The following LRRC2 variants were observed in gnomAD, a reference collection of about 807,000 sequenced individuals.
The protein encoded by LRRC2 is leucine rich repeat containing 2, also known as leucine-rich repeat-containing protein 2.
A neutral mutation model predicts 40.2 loss-of-function variants in LRRC2; 27 were observed. The ratio of observed to expected loss-of-function variants is 0.67; its 90% confidence interval spans 0.49 to 0.93. LRRC2 has a LOEUF of 0.93. LRRC2 is among the 40% of genes least tolerant of loss of function. LRRC2 has a pLI of 0.00. For missense variants in LRRC2, 402 were observed against 439.6 expected, an observed-to-expected ratio of 0.91 and a Z score of 0.76; for synonymous variants, 147 against 158.9, an observed-to-expected ratio of 0.92 and a Z score of 0.56.
chr3:46,539,782 G>A (rs1704346129), intron 3 of LRRC2, among the ~76,000 whole-genome samples: 1 of 152,228 alleles, frequency 6.6e-6, no homozygotes, highest in South Asian at 2.1e-4. Context: ...TGAACTCAGT[G>A]TCCAAGGCCT....
chr3:46,521,362 C>T (rs1245268936), intron 8 of LRRC2, among the ~76,000 whole-genome samples, 160 bp downstream of exon 8: 1 of 152,140 alleles, frequency 6.6e-6, no homozygotes, highest in Non-Finnish European at 1.5e-5. Flanking sequence ...GGAAATGTAT[C>T]ATTTGGAGTG....
In LRRC2 at chr3:46,518,712, C is replaced by G; in HGVS notation, c.*302G>C. ...AATGCACTTAACTTCAGTATTTGGT[C>G]TTTTAGTTATAATTCTTAAAAATAA... On this transcript the variant is annotated 3_prime_UTR_variant, in exon 9 of 9. Coordinates refer to ENST00000395905, the MANE Select transcript of LRRC2 (RefSeq NM_024512.5). 4.0e-6 allele frequency: 1 copy of G among 248,500 alleles called. No individual in the cohort carries two copies. The highest frequency in any genetic ancestry group is 7.6e-6 in the Non-Finnish European group (1 of 132,116). The allele number at this position is 248,500 out of a possible 1,614,324, so 15.4% of individuals were successfully genotyped here.
chr3:46,551,516 C>T lies in LRRC2; in HGVS notation c.76G>A (p.Ala26Thr). The change falls in exon 2 of 9, where the codon GCT (alanine) becomes ACT (threonine). Residue 26 changes from alanine (A) to threonine (T), a missense_variant. Coordinates refer to ENST00000395905, the MANE Select transcript of LRRC2 (RefSeq NM_024512.5). ...CTTTCCACCTCCTTCTTCTGCCAAGCTTTGTGCTTCTTGACACGAGTTTCC... is the reference window on the plus strand; with the variant it reads ...CTTTCCACCTCCTTCTTCTGCCAAGTTTTGTGCTTCTTGACACGAGTTTCC... The part of the protein sequence containing the change: ...LWETRVKKHK[A>T]WQKKEVERLE... 6.2e-7 allele frequency: 1 copy of T among 1,614,072 alleles called. No homozygotes were observed. The highest frequency in any genetic ancestry group is 8.5e-7 in the Non-Finnish European group (1 of 1,179,990).
Position 46,524,434 on chromosome 3 carries a change from C to T in LRRC2, c.930-2776G>A, listed in dbSNP as rs189389146. On this transcript the variant is annotated intron_variant, in intron 7 of 8. Coordinates refer to ENST00000395905, the MANE Select transcript of LRRC2 (RefSeq NM_024512.5). ...GTGCCTGTTGATATAAAAATTCTTC[C>T]GTTTTTCCTCTTGTTTTAAGCACCA... is the stretch of plus-strand genomic sequence containing the variant. Among the ~76,000 whole-genome samples, 586 of 152,250 alleles carry T rather than the reference C, an allele frequency of 3.8e-3. 5 individuals are homozygous for T. The highest frequency in any genetic ancestry group is 0.013 in the African/African-American group (528 of 41,554).
chr3:46,565,855 G>C (rs1395394543), intron 1 of LRRC2, among the ~76,000 whole-genome samples: 2 of 152,194 alleles, frequency 1.3e-5, no homozygotes, highest in Non-Finnish European at 2.9e-5. Context: ...CTCAGCCTTG[G>C]GCGCCGGAGC....
At chr3:46,552,703 G>A (rs985786860) in intron 1 of LRRC2, among the ~76,000 whole-genome samples, 1 of 151,968 alleles carries the variant, frequency 6.6e-6, no homozygotes, top group Non-Finnish European at 1.5e-5. Context: ...TGAGGCCACA[G>A]GCCAGCCACC....
intron 2 of LRRC2, among the ~76,000 whole-genome samples, chr3:46,549,168 A>C (rs933362625): frequency 2.0e-5 from 3 of 152,256 alleles, no homozygotes; most frequent in Non-Finnish European, 4.4e-5. Context: ...AAAGTGAGGT[A>C]ACAGAACAAG....
intron 2 of LRRC2, among the ~76,000 whole-genome samples, chr3:46,550,633 C>A (rs550081469): frequency 6.6e-6 from 1 of 152,124 alleles, no homozygotes; most frequent in Non-Finnish European, 1.5e-5. Flanking sequence ...CCTTGTGATC[C>A]GCCTGCCTCG....
chr3:46,519,352 T>C (rs1228166172), intron 8 of LRRC2, among the ~76,000 whole-genome samples: 1 of 152,228 alleles, frequency 6.6e-6, no homozygotes, highest in African/African-American at 2.4e-5. Flanking sequence ...TCTTGGAAGC[T>C]ATATGACCCT....
At chr3:46,536,214 C>T (rs1704267248) in intron 4 of LRRC2, among the ~76,000 whole-genome samples, 1 of 152,174 alleles carries the variant, frequency 6.6e-6, no homozygotes, top group African/African-American at 2.4e-5. Context: ...AAACTTAGCG[C>T]TTACTGAGAG....
At chr3:46,549,794 C>T (rs921901912) in intron 2 of LRRC2, among the ~76,000 whole-genome samples, 1 of 152,200 alleles carries the variant, frequency 6.6e-6, no homozygotes, top group African/African-American at 2.4e-5. Context: ...CCCTAACTCC[C>T]CTCCCCACTG....
intron 3 of LRRC2, among the ~76,000 whole-genome samples, chr3:46,541,934 A>G (rs1229774029): frequency 1.3e-5 from 2 of 152,190 alleles, no homozygotes; most frequent in Non-Finnish European, 2.9e-5. Context: ...TCTCTGCCCC[A>G]GGAACTGAGA....
At chr3:46,529,695 T>A (rs963121138) in intron 6 of LRRC2, among the ~76,000 whole-genome samples, 6 of 152,222 alleles carry the variant, frequency 3.9e-5, no homozygotes, top group Non-Finnish European at 8.8e-5. Flanking sequence ...GAAGAGGTGT[T>A]CAAATGCACG....
At chr3:46,523,169 G>A (rs1466988530) in intron 7 of LRRC2, among the ~76,000 whole-genome samples, 4 of 152,036 alleles carry the variant, frequency 2.6e-5, no homozygotes, top group Non-Finnish European at 1.5e-5. Context: ...TTTTCATTGA[G>A]TTAATGTTTA....
At chr3:46,557,978 G>C (rs2280409) in intron 1 of LRRC2, 7,399 of 152,324 alleles carry the variant, frequency 0.049, 269 homozygotes, top group South Asian at 0.15. Flanking sequence ...GAAGAAAGTC[G>C]AAATACAAGC....
intron 4 of LRRC2, among the ~76,000 whole-genome samples, chr3:46,534,291 G>A (rs1489316715): frequency 6.6e-6 from 1 of 152,182 alleles, no homozygotes; most frequent in Admixed American, 6.5e-5. Context: ...ATTCCATGGT[G>A]TATATGTGCC....
At chr3:46,533,752 C>T (rs1001994297) in intron 4 of LRRC2, among the ~76,000 whole-genome samples, 1 of 58,530 alleles carries the variant, frequency 1.7e-5, no homozygotes, top group East Asian at 6.8e-4. Context: ...CTTCCTTCTT[C>T]CTTCCCTCCC....
chr3:46,558,585 G>T (rs1473549695), intron 1 of LRRC2: 1 of 152,212 alleles, frequency 6.6e-6, no homozygotes, highest in African/African-American at 2.4e-5. Flanking sequence ...GCTAGGGGAG[G>T]AGCCCAGGAA....
At chr3:46,545,508 A>C (rs1192514901) in intron 2 of LRRC2, among the ~76,000 whole-genome samples, 1 of 152,214 alleles carries the variant, frequency 6.6e-6, no homozygotes, top group African/African-American at 2.4e-5. Context: ...TTTAATTATA[A>C]TTTCCTTTGA....
Sources: gnomAD v4.1 joint callset for allele counts (sites outside exome capture counted in the v4.1 genomes callset) on GRCh38, gnomAD v4.1.1 for gene constraint, MANE v1.5 for transcripts, NCBI Gene and HGNC (gene_info 2026-07-23, HGNC 2026-07-21) for gene names.